LRP6: variants seen among roughly 807,000 people sequenced by gnomAD.
LRP6 encodes the protein LDL receptor related protein 6.
LRP6 carries 43 observed loss-of-function variants against 184.1 expected under a neutral mutation model. The ratio of observed to expected loss-of-function variants is 0.23; its 90% CI spans 0.18 to 0.30. The LOEUF (loss-of-function observed/expected upper bound fraction) is 0.30, where lower values mean the gene tolerates loss of function less well. LRP6 is among the 10% of genes least tolerant of loss of function. The pLI, the probability that LRP6 is intolerant of heterozygous loss-of-function variation, is 1.00. For synonymous variants in LRP6, 719 were observed against 684.9 expected (o/e 1.05, Z -0.78); for missense variants, 1,571 against 2,005.3 (o/e 0.78, Z 4.14).
intron 3 of LRP6, among the ~76,000 whole-genome samples, chr12:12,200,374 T>C (rs1863883670): frequency 6.6e-6 from 1 of 152,194 alleles, no homozygotes; most frequent in Non-Finnish European, 1.5e-5. Flanking sequence ...CTTCACTTTT[T>C]AGCTTCAACT....
chr12:12,157,492 G>GA (rs1285561978), intron 12 of LRP6, among the ~76,000 whole-genome samples: 3 of 151,958 alleles, frequency 2.0e-5, no homozygotes, highest in Non-Finnish European at 2.9e-5. Flanking sequence ...TTACAAATGA[G>GA]AAAAAATAAA....
chr12:12,121,121 C>CCT lies in LRP6; in HGVS notation c.*3_*4dup. The CCT allele has an allele frequency of 1.3e-6, 2 of 1,586,406 alleles. No homozygotes were observed. Among genetic ancestry groups the CCT allele is most frequent in the Non-Finnish European group, 1.7e-6 (2 of 1,163,116 alleles). ...TGGAGGCAGTCAGAGGAGGAGGGCCCCTCCTCAGGAGGAGTCTGTACAGGG... is the reference window on the plus strand; with the variant it reads ...TGGAGGCAGTCAGAGGAGGAGGGCCCCTCTCCTCAGGAGGAGTCTGTACAGGG... On this transcript the variant is annotated 3_prime_UTR_variant, in exon 23 of 23. Transcript: ENST00000261349.
chr12:12,197,918 C>T (rs1224795323), intron 3 of LRP6, among the ~76,000 whole-genome samples: 1 of 152,160 alleles, frequency 6.6e-6, no homozygotes, highest in East Asian at 1.9e-4. Flanking sequence ...GTGGTGTGCA[C>T]CTGTAGTCCC....
intron 7 of LRP6, among the ~76,000 whole-genome samples, chr12:12,166,197 G>A (rs2136954600): frequency 6.6e-6 from 1 of 152,244 alleles, no homozygotes; most frequent in East Asian, 1.9e-4. Flanking sequence ...CCAGCACGCA[G>A]GCCCCTTTAA....
intron 3 of LRP6, 29 bp downstream of exon 3, chr12:12,203,174 A>G (rs373833168): frequency 2.6e-6 from 4 of 1,541,468 alleles, no homozygotes; most frequent in Admixed American, 2.0e-5. Flanking sequence ...AGTTTTCTTA[A>G]AAGTTTTTTC....
intron 12 of LRP6, among the ~76,000 whole-genome samples, chr12:12,154,303 C>G (rs1050253133): frequency 1.3e-5 from 2 of 152,162 alleles, no homozygotes; most frequent in African/African-American, 4.8e-5. Context: ...TCCTTCAGTT[C>G]TTGACATAAA....
At position 12,198,008 on chromosome 12, in the gene LRP6, T is replaced by C. The variant is rs568996953; in HGVS notation, c.647+5195A>G. Among the ~76,000 whole-genome samples the C allele has an allele frequency of 8.5e-4, 130 of 152,358 alleles. 6 individuals carry two copies. In the South Asian group the frequency reaches 0.025, roughly 29 times the overall value. ...TGCAGTGAACAGATTCTGCAACCTC[T>C]GCAAAATTCAAGCAATTCTCCTGCC... On this transcript the variant is annotated intron_variant, in intron 3 of 22. Coordinates refer to ENST00000261349, the MANE Select transcript of LRP6 (RefSeq NM_002336.3).
At chr12:12,124,986 G>A (rs1949653747) in intron 21 of LRP6, among the ~76,000 whole-genome samples, 1 of 152,200 alleles carries the variant, frequency 6.6e-6, no homozygotes, top group Non-Finnish European at 1.5e-5. Flanking sequence ...AATTCCAGGT[G>A]TGCTTCCTCT....
At chr12:12,167,597 C>T (rs1190492769) in intron 7 of LRP6, among the ~76,000 whole-genome samples, 4 of 151,416 alleles carry the variant, frequency 2.6e-5, no homozygotes, top group East Asian at 1.9e-4. Context: ...GTGCCGAGAT[C>T]GCGCCACTGC....
Position 12,235,028 on chromosome 12 carries a change from G to C in LRP6, c.449+9234C>G, listed in dbSNP as rs558293043. On this transcript the variant is annotated intron_variant, in intron 2 of 22. Transcript: ENST00000261349. Reference sequence around the variant, plus strand: ...GGTAGGAGATGGGACTAGGATAGAAGGGATGGGGAAGAAGAACACTTTCCT... The same window carrying C: ...GGTAGGAGATGGGACTAGGATAGAACGGATGGGGAAGAAGAACACTTTCCT... 6.6e-5 allele frequency among the ~76,000 whole-genome samples: 10 copies of C among 152,266 alleles called. No homozygotes were observed. In the East Asian group the frequency reaches 1.7e-3, roughly 26 times the overall value.
intron 1 of LRP6, among the ~76,000 whole-genome samples, chr12:12,252,647 T>G (rs1865351357): frequency 6.6e-6 from 1 of 152,200 alleles, no homozygotes; most frequent in Admixed American, 6.5e-5. Context: ...TTCAGGGATT[T>G]TTTTTCCTCA....
chr12:12,157,983 C>A (rs779816532), intron 12 of LRP6, among the ~76,000 whole-genome samples: 24 of 152,204 alleles, frequency 1.6e-4, no homozygotes, highest in South Asian at 1.5e-3. Flanking sequence ...GTCACACACA[C>A]AAAAAAATCT....
chr12:12,242,415 T>C (rs73057419), intron 2 of LRP6, among the ~76,000 whole-genome samples: 118 of 152,286 alleles, frequency 7.7e-4, no homozygotes, highest in Non-Finnish European at 1.4e-3. Flanking sequence ...AGTGGTAAAA[T>C]TGAACTTGTC....
At chr12:12,210,607 C>G (rs1294929446) in intron 2 of LRP6, among the ~76,000 whole-genome samples, 1 of 152,152 alleles carries the variant, frequency 6.6e-6, no homozygotes, top group East Asian at 1.9e-4. Context: ...CTAAGTCAAT[C>G]CAGAAGTGTT....
At chr12:12,207,487 T>C (rs752489097) in intron 2 of LRP6, among the ~76,000 whole-genome samples, 51 of 152,104 alleles carry the variant, frequency 3.4e-4, no homozygotes, top group Non-Finnish European at 5.4e-4. Context: ...TGAGCCAAGA[T>C]TGCACCACCG....
intron 6 of LRP6, among the ~76,000 whole-genome samples, chr12:12,180,672 C>T (rs999411125): frequency 1.4e-4 from 21 of 152,064 alleles, no homozygotes; most frequent in Admixed American, 1.4e-3. Context: ...AAAAAGTAAG[C>T]TATATTCTTA....
intron 2 of LRP6, among the ~76,000 whole-genome samples, chr12:12,229,017 GA>G (rs1232996573): frequency 6.6e-6 from 1 of 152,052 alleles, no homozygotes; most frequent in Non-Finnish European, 1.5e-5. Flanking sequence ...AGTCCTGAGG[GA>G]AAAAAACATT....
At chr12:12,156,162 T>C (rs7963810) in intron 12 of LRP6, among the ~76,000 whole-genome samples, 31,980 of 152,052 alleles carry the variant, frequency 0.21, 3,981 homozygotes, top group African/African-American at 0.34. Context: ...CACTGGCACG[T>C]TGGATAGAAT....
rs559943368 is a variant in LRP6, at chr12:12,261,032, G to T, written c.55+5649C>A. On this transcript the variant is annotated intron_variant, in intron 1 of 22. Transcript: ENST00000261349. ...AGAATCTCCTTTGATATTTAAAACAGTCCTTTCTGACAGCCAAAGCATATA... is the reference window on the plus strand; with the variant it reads ...AGAATCTCCTTTGATATTTAAAACATTCCTTTCTGACAGCCAAAGCATATA... 3.8e-4 allele frequency among the ~76,000 whole-genome samples: 58 copies of T among 152,170 alleles called. 2 individuals carry two copies. In the South Asian group the frequency reaches 0.011, roughly 30 times the overall value.
Sources: gnomAD v4.1 joint callset for allele counts (sites outside exome capture counted in the v4.1 genomes callset) on GRCh38, gnomAD v4.1.1 for gene constraint, MANE v1.5 for transcripts, NCBI Gene and HGNC (gene_info 2026-07-23, HGNC 2026-07-21) for gene names.